MARCHF1: variants seen among roughly 807,000 people sequenced by gnomAD.
The protein encoded by MARCHF1 is E3 ubiquitin-protein ligase MARCHF1.
In MARCHF1, 40 loss-of-function variants were observed where a neutral mutation model predicts 54.2. The observed-to-expected ratio is 0.74, with a 90% confidence interval of 0.57 to 0.96. The LOEUF (loss-of-function observed/expected upper bound fraction) is 0.96. Among genes scored for constraint, MARCHF1 ranks in the 40% least tolerant of loss-of-function variants. The pLI, the probability that MARCHF1 is intolerant of heterozygous loss-of-function variation, is 0.00. For missense variants in MARCHF1, 586 were observed against 656.5 expected (o/e 0.89, Z 1.17); for synonymous variants, 236 against 236.3 (o/e 1.00, Z 0.01).
intron 2 of MARCHF1, among the ~76,000 whole-genome samples, chr4:164,075,467 C>G (rs968595271): frequency 1.3e-5 from 2 of 152,204 alleles, no homozygotes; most frequent in African/African-American, 4.8e-5. Context: ...TATGCAGCCC[C>G]AGGGTGTGGA....
chr4:164,326,080 C>A (rs1735274065), intron 1 of MARCHF1, among the ~76,000 whole-genome samples: 1 of 152,060 alleles, frequency 6.6e-6, no homozygotes, highest in Non-Finnish European at 1.5e-5. Context: ...TCTAAACTCC[C>A]AAACCAGTAG....
chr4:164,267,445 G>T (rs1380809434), intron 1 of MARCHF1, among the ~76,000 whole-genome samples: 1 of 152,042 alleles, frequency 6.6e-6, no homozygotes, highest in Non-Finnish European at 1.5e-5. Context: ...AAGCCAACTG[G>T]CGTGCTGTCA....
At chr4:164,249,528 T>C (rs928427888) in intron 1 of MARCHF1, among the ~76,000 whole-genome samples, 1 of 152,018 alleles carries the variant, frequency 6.6e-6, no homozygotes. Flanking sequence ...TTACTAACTG[T>C]CCTAAATCTA....
At chr4:163,953,917 T>C (rs867170243) in intron 3 of MARCHF1, among the ~76,000 whole-genome samples, 3 of 152,270 alleles carry the variant, frequency 2.0e-5, no homozygotes, top group African/African-American at 7.2e-5. Flanking sequence ...AAATATTTAT[T>C]ATCTGGCCTT....
At chr4:164,139,432 GAAAC>G (rs916341857) in intron 1 of MARCHF1, among the ~76,000 whole-genome samples, 16 of 147,570 alleles carry the variant, frequency 1.1e-4, no homozygotes, top group African/African-American at 3.0e-4. Flanking sequence ...TGTATCAAAA[GAAAC>G]AAACAAACAA....
chr4:164,290,682 T>G (rs1215402047), intron 1 of MARCHF1, among the ~76,000 whole-genome samples: 1 of 152,016 alleles, frequency 6.6e-6, no homozygotes, highest in Non-Finnish European at 1.5e-5. Context: ...TAATTCATAC[T>G]TAATTCAAAG....
intron 5 of MARCHF1, among the ~76,000 whole-genome samples, chr4:163,683,554 C>T (rs1180935937): frequency 6.6e-6 from 1 of 152,034 alleles, no homozygotes; most frequent in African/African-American, 2.4e-5. Context: ...CAAATCTTGA[C>T]AGTAATGCAG....
In MARCHF1 at chr4:164,380,603, G is replaced by A. The variant is rs142212165; in HGVS notation, c.-323+3267C>T. Among the ~76,000 whole-genome samples, 793 of 152,230 alleles carry A rather than the reference G, an allele frequency of 5.2e-3. 9 individuals are homozygous for A. The highest frequency in any genetic ancestry group is 0.016 in the African/African-American group (669 of 41,552). ...AAATGAACCCAATATATAGCAAAGG[G>A]ATAATCGTGGCTTCAGAGAATTTGT... On this transcript the variant is annotated intron_variant, in intron 1 of 9. Transcript: ENST00000514618.
At chr4:163,877,474 T>C (rs1218150037) in intron 3 of MARCHF1, among the ~76,000 whole-genome samples, 1 of 150,418 alleles carries the variant, frequency 6.6e-6, no homozygotes, top group East Asian at 2.0e-4. Flanking sequence ...TTTTTTTTTT[T>C]TTCTAATGAA....
chr4:163,792,879 C>A (rs1291848215), intron 4 of MARCHF1, among the ~76,000 whole-genome samples: 2 of 152,172 alleles, frequency 1.3e-5, no homozygotes, highest in Admixed American at 6.6e-5. Flanking sequence ...GGCCTGGGAA[C>A]CAGGGGCTCC....
At chr4:164,264,404 G>A (rs758759823) in intron 1 of MARCHF1, among the ~76,000 whole-genome samples, 37 of 151,842 alleles carry the variant, frequency 2.4e-4, no homozygotes, top group Admixed American at 9.8e-4. Flanking sequence ...ATACCTGGGC[G>A]ATGAAATAAT....
intron 4 of MARCHF1, among the ~76,000 whole-genome samples, chr4:163,804,966 T>C (rs143342967): frequency 9.2e-5 from 14 of 152,308 alleles, no homozygotes; most frequent in African/African-American, 3.4e-4. Flanking sequence ...TACAATAAAG[T>C]TATGTACTCC....
chr4:164,052,178 C>T (rs1754385739), intron 2 of MARCHF1, among the ~76,000 whole-genome samples: 2 of 147,460 alleles, frequency 1.4e-5, no homozygotes, highest in African/African-American at 5.0e-5. Flanking sequence ...AAAATATTTG[C>T]ACAGCAAACA....
At chr4:163,874,772 T>G (rs1750253798) in intron 3 of MARCHF1, among the ~76,000 whole-genome samples, 1 of 152,176 alleles carries the variant, frequency 6.6e-6, no homozygotes, top group Admixed American at 6.5e-5. Context: ...AAGCTTAGTT[T>G]GTAAAAGTTT....
chr4:163,593,823 G>C (rs553944461), intron 7 of MARCHF1, among the ~76,000 whole-genome samples: 74 of 152,282 alleles, frequency 4.9e-4, no homozygotes, highest in African/African-American at 1.7e-3. Context: ...ATGTTTTACA[G>C]CAGTTCCAAC....
chr4:164,015,532 G>A (rs1753521219), intron 2 of MARCHF1, among the ~76,000 whole-genome samples: 1 of 152,186 alleles, frequency 6.6e-6, no homozygotes, highest in Non-Finnish European at 1.5e-5. Context: ...TACAGAATGT[G>A]AGAAAGTGTT....
At chr4:164,080,477 G>A (rs190982938) in intron 2 of MARCHF1, among the ~76,000 whole-genome samples, 91 of 152,086 alleles carry the variant, frequency 6.0e-4, no homozygotes, top group African/African-American at 2.1e-3. Context: ...AGGATGGGCA[G>A]GTTAGAGGAA....
intron 1 of MARCHF1, among the ~76,000 whole-genome samples, chr4:164,300,457 T>C (rs1348628274): frequency 6.6e-6 from 1 of 152,172 alleles, no homozygotes; most frequent in Admixed American, 6.5e-5. Flanking sequence ...CTATAGGCCC[T>C]TTCCAACATT....
intron 1 of MARCHF1, among the ~76,000 whole-genome samples, chr4:164,317,222 A>T (rs1396090567): frequency 6.6e-6 from 1 of 152,204 alleles, no homozygotes; most frequent in Non-Finnish European, 1.5e-5. Flanking sequence ...CTGATTTGGT[A>T]TTGTCCTTTA....
Sources: gnomAD v4.1 joint callset for allele counts (sites outside exome capture counted in the v4.1 genomes callset) on GRCh38, gnomAD v4.1.1 for gene constraint, MANE v1.5 for transcripts, NCBI Gene and HGNC (gene_info 2026-07-23, HGNC 2026-07-21) for gene names.